Variants in PCNT observed in about 807,000 individuals in gnomAD.
The protein encoded by PCNT is pericentrin.
PCNT carries 319 observed loss-of-function variants against 380.4 expected under a neutral mutation model. The observed-to-expected ratio is 0.84, with a 90% confidence interval of 0.77 to 0.92. PCNT has a LOEUF of 0.92. Among genes scored for constraint, PCNT ranks in the 40% least tolerant of loss-of-function variants. The pLI, the probability that PCNT is intolerant of heterozygous loss-of-function variation, is 0.00. For synonymous variants in PCNT, 1,845 were observed against 1,735.2 expected (o/e 1.06, Z -1.57); for missense variants, 4,400 against 4,255.3 (o/e 1.03, Z -0.95).
Position 46,399,695 on chromosome 21 carries a change from A to G in PCNT, c.4690A>G (p.Ile1564Val). The G allele has an allele frequency of 6.2e-7, 1 of 1,614,038 alleles. No individual in the cohort carries two copies. Among genetic ancestry groups the G allele is most frequent in the Non-Finnish European group, 8.5e-7 (1 of 1,179,866 alleles). The change falls in exon 25 of 47, where the codon ATT (isoleucine) becomes GTT (valine). Residue 1564 changes from isoleucine (I) to valine (V), a missense_variant. Ile to Val is a conservative substitution (Grantham distance 29, BLOSUM62 3). Coordinates refer to ENST00000359568, the MANE Select transcript of PCNT (RefSeq NM_006031.6). ...ACAAGTGTTAATGCAGGAAGAAGAAATTAAACGTCTGGAGGAGATGAACAT... is the reference window on the plus strand; with the variant it reads ...ACAAGTGTTAATGCAGGAAGAAGAAGTTAAACGTCTGGAGGAGATGAACAT... ...DRQVLMQEEE[I>V]KRLEEMNINI...
chr21:46,417,318 C>G (rs1391477682), intron 30 of PCNT, among the ~76,000 whole-genome samples: 3 of 151,592 alleles, frequency 2.0e-5, no homozygotes, highest in Non-Finnish European at 2.9e-5. Context: ...CCTCAGCCTC[C>G]CTAGTAGCTG....
At chr21:46,341,246 T>A (rs573332240) in intron 3 of PCNT, among the ~76,000 whole-genome samples, 1 of 152,170 alleles carries the variant, frequency 6.6e-6, no homozygotes, top group Admixed American at 6.5e-5. Flanking sequence ...ATTTTGGGTC[T>A]GCCGTGGGTG....
At chr21:46,383,372 C>G (rs1387653805) in intron 16 of PCNT, among the ~76,000 whole-genome samples, 1 of 143,678 alleles carries the variant, frequency 7.0e-6, no homozygotes, top group East Asian at 2.2e-4. Context: ...AGCGCATTCA[C>G]CATGTTGTAT....
chr21:46,384,069 CGG>C (rs2085718764), intron 16 of PCNT, among the ~76,000 whole-genome samples: 1 of 145,250 alleles, frequency 6.9e-6, no homozygotes, highest in Non-Finnish European at 1.5e-5. Context: ...CATTCAGCAG[CGG>C]AAGCGCATTC....
In PCNT at chr21:46,326,486, C is replaced by T. The variant is rs377700373; in HGVS notation, c.164C>T (p.Pro55Leu). ...GATGCGTCTGTCCAGGAGGAGAGTC[C>T]GGTAACCAAGGAGGACAGCGCACTC... Reference protein sequence around the residue: ...AVDASVQEESPVTKEDSALCG... With the variant: ...AVDASVQEESLVTKEDSALCG... Residue 55 changes from proline to leucine, a missense_variant, in exon 2 of 47, where the codon CCG becomes CTG. Coordinates refer to ENST00000359568, the MANE Select transcript of PCNT (RefSeq NM_006031.6). The T allele has an allele frequency of 1.6e-5, 26 of 1,614,178 alleles. No individual in the cohort carries two copies. The highest frequency in any genetic ancestry group is 5.5e-5 in the South Asian group (5 of 91,082).
chr21:46,353,301 G>A lies in PCNT; in HGVS notation c.1654G>A (p.Ala552Thr). 1 of 1,614,120 alleles carries A rather than the reference G, an allele frequency of 6.2e-7. No homozygotes were observed. The highest frequency in any genetic ancestry group is 8.5e-7 in the Non-Finnish European group (1 of 1,180,000). The change falls in exon 10 of 47, where the codon GCT becomes ACT. Residue 552 changes from alanine to threonine, a missense_variant. Transcript: ENST00000359568. Reference sequence around the variant, plus strand: ...GAGGCTGCAGGGGGCGAGGGAAGATGCTCTTCTGGACTCTGTGGAAGTTGG... The same window carrying A: ...GAGGCTGCAGGGGGCGAGGGAAGATACTCTTCTGGACTCTGTGGAAGTTGG... ...QQRLQGARED[A>T]LLDSVEVGLS...
At chr21:46,371,710 CACTTGTGG>C (rs1184721902) in intron 15 of PCNT, among the ~76,000 whole-genome samples, 1 of 152,248 alleles carries the variant, frequency 6.6e-6, no homozygotes, top group Non-Finnish European at 1.5e-5. Context: ...AAGGTCTCCC[CACTTGTGG>C]ACCCGTGCAC....
At chr21:46,402,698 C>A (rs1019382381) in intron 27 of PCNT, among the ~76,000 whole-genome samples, 1 of 152,182 alleles carries the variant, frequency 6.6e-6, no homozygotes, top group Non-Finnish European at 1.5e-5. Flanking sequence ...CCAGCGACCC[C>A]TGCCCCAAAC....
At chr21:46,379,868 G>A (rs1485003182) in intron 15 of PCNT, among the ~76,000 whole-genome samples, 4 of 152,240 alleles carry the variant, frequency 2.6e-5, no homozygotes, top group African/African-American at 9.6e-5. Context: ...CCTGGCCCTG[G>A]CCTTCACCCC....
intron 6 of PCNT, 149 bp from the exon 7 acceptor site, chr21:46,348,863 C>G (rs759345276): frequency 1.6e-6 from 1 of 615,898 alleles, no homozygotes; most frequent in Non-Finnish European, 2.9e-6. Context: ...TGGGCTCAGG[C>G]GATCTGCCTG....
At chr21:46,422,579 A>G (rs1232522746) in intron 32 of PCNT, among the ~76,000 whole-genome samples, 1 of 152,246 alleles carries the variant, frequency 6.6e-6, no homozygotes, top group Non-Finnish European at 1.5e-5. Flanking sequence ...GGAACTTTTC[A>G]TAGGTTTTCT....
intron 38 of PCNT, among the ~76,000 whole-genome samples, chr21:46,434,572 C>T (rs1373328057): frequency 2.6e-5 from 4 of 152,258 alleles, no homozygotes; most frequent in Non-Finnish European, 4.4e-5. Context: ...CTTGCCCCAT[C>T]GTGCAGTAGA....
rs1012810435 is a variant in PCNT at position 46,388,973 on chromosome 21, G to A, written c.3607+89G>A. On this transcript the variant is annotated intron_variant, in intron 18 of 46. Coordinates refer to ENST00000359568, the MANE Select transcript of PCNT (RefSeq NM_006031.6). The surrounding 1 kb of genome is among the most constrained non-coding windows in gnomAD (Gnocchi z 4.2). ...TCTGAGAGGAGCCTCCGTATTGGGC[G>A]ATGCCCTTGGGAGCACTGCCGTCCT... 33 of 1,509,038 alleles carry A rather than the reference G, an allele frequency of 2.2e-5. No individual in the cohort carries two copies. In the South Asian group the frequency reaches 3.7e-4, roughly 17 times the overall value. 93.5% of individuals were successfully genotyped at this position (1,509,038 alleles called of 1,614,324 possible).
chr21:46,359,349 C>G (rs1198236042), intron 13 of PCNT, among the ~76,000 whole-genome samples: 1 of 145,636 alleles, frequency 6.9e-6, no homozygotes, highest in Non-Finnish European at 1.5e-5. Context: ...GGATTTCTCT[C>G]TTGTTAATTT....
chr21:46,370,717 G>A (rs990768192), intron 15 of PCNT, among the ~76,000 whole-genome samples: 4 of 152,152 alleles, frequency 2.6e-5, no homozygotes, highest in African/African-American at 7.2e-5. Flanking sequence ...ACCAGCCTGG[G>A]GAACATAGCA....
chr21:46,396,734 G>T (rs2086222175), intron 21 of PCNT, among the ~76,000 whole-genome samples: 1 of 152,174 alleles, frequency 6.6e-6, no homozygotes. Flanking sequence ...CTCCCGAGTA[G>T]CTGGGATTAC....
In PCNT at chr21:46,437,125, C is replaced by A. The variant is rs757099784; in HGVS notation, c.9099+44C>A. ...CAGGTCCCTGGCCTGGCTCCTCCCC[C>A]AGAGGGGCCCTCTCGGCAGCTTTGT... On this transcript the variant is annotated intron_variant, in intron 40 of 46. Coordinates refer to ENST00000359568, the MANE Select transcript of PCNT (RefSeq NM_006031.6). The A allele has an allele frequency of 1.1e-5, 14 of 1,282,482 alleles. No homozygotes were observed. In the East Asian group the frequency reaches 2.3e-4, roughly 21 times the overall value. The allele number at this position is 1,282,482 out of a possible 1,614,324, so 79.4% of individuals were successfully genotyped here. A position where few individuals can be genotyped will look rare whatever the true frequency, so the allele number is the denominator to read the frequency against.
chr21:46,356,930 G>A lies in PCNT; in HGVS notation c.1937-44G>A, dbSNP rs17297961. On this transcript the variant is annotated intron_variant, in intron 12 of 46. Coordinates refer to ENST00000359568, the MANE Select transcript of PCNT (RefSeq NM_006031.6). ...GTGCGGACTGTGGGCTCCATCGAGG[G>A]CCGGCACCGGCCTGACTGTCTTCCC... 83,346 of 1,566,638 alleles carry A rather than the reference G, an allele frequency of 0.053. 2,561 individuals carry two copies. The highest frequency in any genetic ancestry group is 0.06 in the Non-Finnish European group (68,338 of 1,138,118).
chr21:46,365,954 G>A (rs1303515812), intron 14 of PCNT, among the ~76,000 whole-genome samples: 2 of 147,122 alleles, frequency 1.4e-5, no homozygotes, highest in East Asian at 2.1e-4. Context: ...ATTCACTGCT[G>A]TGGGGTTCTG....
Sources: allele counts gnomAD v4.1 joint callset (sites outside exome capture counted in the v4.1 genomes callset), GRCh38; gene constraint gnomAD v4.1.1; non-coding constraint Gnocchi (gnomAD v3.1); transcripts MANE v1.5; gene names NCBI Gene and HGNC (gene_info 2026-07-23, HGNC 2026-07-21).